TNFAIP8: variants seen among roughly 807,000 people sequenced by gnomAD.
The protein encoded by TNFAIP8 is tumor necrosis factor alpha-induced protein 8.
In TNFAIP8, 7 loss-of-function variants were observed where a neutral mutation model predicts 13.3. The ratio of observed to expected loss-of-function variants is 0.52; its 90% CI spans 0.30 to 0.99. The LOEUF (loss-of-function observed/expected upper bound fraction) is 0.99. Among genes scored for constraint, TNFAIP8 ranks in the 50% least tolerant of loss-of-function variants. The pLI is 0.07. For synonymous variants in TNFAIP8, 94 were observed against 87.6 expected (o/e 1.07, Z -0.41); for missense variants, 258 against 236.9 (o/e 1.09, Z -0.58).
chr5:119,391,258 A>ATAGGCTAG (rs1233797539), intron 1 of TNFAIP8: 55 of 618,510 alleles, frequency 8.9e-5, no homozygotes, highest in African/African-American at 8.8e-4. Context: ...GCCTATCCAA[A>ATAGGCTAG]CTAGAAATAA....
chr5:119,349,863 C>CT (rs1246648996), intron 1 of TNFAIP8, among the ~76,000 whole-genome samples: 2 of 152,210 alleles, frequency 1.3e-5, no homozygotes, highest in Non-Finnish European at 2.9e-5. Flanking sequence ...TATTAGCAAT[C>CT]TTTGAGTTAC....
chr5:119,367,048 G>C (rs980965374), intron 1 of TNFAIP8, among the ~76,000 whole-genome samples: 12 of 152,176 alleles, frequency 7.9e-5, no homozygotes, highest in African/African-American at 2.7e-4. Context: ...TGCTAGGAGA[G>C]GCAGCCTAGC....
intron 1 of TNFAIP8, among the ~76,000 whole-genome samples, chr5:119,371,543 G>A (rs1374475396): frequency 1.3e-5 from 2 of 152,190 alleles, no homozygotes. Context: ...ACTAGTTCAA[G>A]GGGAAACTCT....
upstream of TNFAIP8, among the ~76,000 whole-genome samples, chr5:119,351,200 ATT>A (rs1751127619): frequency 6.6e-6 from 1 of 151,950 alleles, no homozygotes; most frequent in African/African-American, 2.4e-5. Flanking sequence ...CCTTTTAAAA[ATT>A]TTTTTGTAGA....
At chr5:119,338,988 ATT>A (rs771738319) in intron 1 of TNFAIP8, among the ~76,000 whole-genome samples, 51 of 152,006 alleles carry the variant, frequency 3.4e-4, no homozygotes, top group South Asian at 2.1e-4. Flanking sequence ...TTGAGGCTGC[ATT>A]GAGCTATGAT....
chr5:119,300,948 G>T (rs1195059773), intron 1 of TNFAIP8, among the ~76,000 whole-genome samples: 1 of 151,348 alleles, frequency 6.6e-6, no homozygotes, highest in Non-Finnish European at 1.5e-5. Flanking sequence ...CATCTCCGAG[G>T]CACAGTTTTA....
chr5:119,311,898 A>G (rs1749744307), intron 1 of TNFAIP8, among the ~76,000 whole-genome samples: 1 of 152,194 alleles, frequency 6.6e-6, no homozygotes, highest in African/African-American at 2.4e-5. Context: ...GTGGTGCTTA[A>G]CAGCCTAAAT....
intron 1 of TNFAIP8, among the ~76,000 whole-genome samples, chr5:119,368,430 C>CGTGTGTGTGTGT (rs376615641): frequency 2.4e-3 from 317 of 133,074 alleles, no homozygotes; most frequent in Non-Finnish European, 3.5e-3. Flanking sequence ...TTCTAAGCAG[C>CGTGTGTGTGTGT]GTGTGTGTGT....
At position 119,399,088 on chromosome 5, in the gene TNFAIP8, C is replaced by T. The variant is rs552194675; in HGVS notation, c.*5707C>T. ...TCGAATCATATGGACTTAGTGTTCT[C>T]ATGACCGAGGAGTCACATTTTTAGC... On this transcript the variant is annotated 3_prime_UTR_variant, in exon 2 of 2. Transcript: ENST00000504771. The T allele has an allele frequency of 4.6e-5, 7 of 152,346 alleles. No homozygotes were observed. The highest frequency in any genetic ancestry group is 1.7e-4 in the African/African-American group (7 of 41,582). The allele number at this position is 152,346 out of a possible 1,614,324, so 9.4% of individuals were successfully genotyped here.
intron 1 of TNFAIP8, among the ~76,000 whole-genome samples, chr5:119,346,859 C>T (rs1169302174): frequency 6.6e-6 from 1 of 152,198 alleles, no homozygotes; most frequent in Non-Finnish European, 1.5e-5. Context: ...GAACTAAAAT[C>T]ATGTCTTTTT....
In TNFAIP8 at chr5:119,322,008, C is replaced by T. The variant is rs562208809; in HGVS notation, c.1+53101C>T. Among the ~76,000 whole-genome samples, 6 of 152,294 alleles carry T rather than the reference C, an allele frequency of 3.9e-5. No individual in the cohort carries two copies. The South Asian group carries it at 1.0e-3, about 26-fold the overall frequency. On this transcript the variant is annotated intron_variant, in intron 1 of 1. Transcript: ENST00000274456. ...AAACTTCCCAAGCTCTTTCCTCCTA[C>T]TTCAGAGCCTTTGCACACACCCCTC...
At chr5:119,389,755 A>C (rs1752824143) in intron 1 of TNFAIP8, among the ~76,000 whole-genome samples, 1 of 152,230 alleles carries the variant, frequency 6.6e-6, no homozygotes, top group East Asian at 1.9e-4. Flanking sequence ...AGACGACTTC[A>C]CTGGAATAAC....
Position 119,397,616 on chromosome 5 carries a change from T to C in TNFAIP8, c.*4235T>C, listed in dbSNP as rs1753105357. 6.6e-6 allele frequency: 1 copy of C among 152,360 alleles called. No homozygotes were observed. The highest frequency in any genetic ancestry group is 1.5e-5 in the Non-Finnish European group (1 of 68,034). 9.4% of individuals were successfully genotyped at this position (152,360 alleles called of 1,614,324 possible). ...AATTTTATCCTACCTCTGAAATAAT[T>C]GTACTTTCTGTGATTCAGATAAAAA... On this transcript the variant is annotated 3_prime_UTR_variant, in exon 2 of 2. Coordinates refer to ENST00000504771, the MANE Select transcript of TNFAIP8 (RefSeq NM_014350.4).
At chr5:119,333,276 G>T in intron 1 of TNFAIP8, 1 of 1,091,082 alleles carries the variant, frequency 9.2e-7, no homozygotes, top group Non-Finnish European at 1.1e-6. Flanking sequence ...GTCCATCCCT[G>T]TTGTGAATGT....
intron 1 of TNFAIP8, among the ~76,000 whole-genome samples, chr5:119,386,232 A>G (rs866270647): frequency 6.6e-6 from 1 of 152,230 alleles, no homozygotes; most frequent in Non-Finnish European, 1.5e-5. Context: ...TACAAATTGC[A>G]CATATTGAAG....
chr5:119,376,713 A>C (rs1005861246), intron 1 of TNFAIP8, among the ~76,000 whole-genome samples: 12 of 152,310 alleles, frequency 7.9e-5, no homozygotes, highest in African/African-American at 2.9e-4. Flanking sequence ...GTACGGAAAC[A>C]AAAGTATGAT....
intron 1 of TNFAIP8, among the ~76,000 whole-genome samples, chr5:119,276,722 G>T (rs541742080): frequency 6.6e-6 from 1 of 151,972 alleles, no homozygotes; most frequent in Non-Finnish European, 1.5e-5. Context: ...ATTAGATTAG[G>T]GTCCCACCCT....
chr5:119,382,251 C>T (rs1752515171), intron 1 of TNFAIP8, among the ~76,000 whole-genome samples: 1 of 152,186 alleles, frequency 6.6e-6, no homozygotes, highest in Non-Finnish European at 1.5e-5. Flanking sequence ...CTAATGTTTC[C>T]ACTCTTTGCT....
intron 1 of TNFAIP8, among the ~76,000 whole-genome samples, chr5:119,304,237 G>A (rs948108069): frequency 6.6e-6 from 1 of 152,174 alleles, no homozygotes; most frequent in South Asian, 2.1e-4. Context: ...TCCTGCCGCA[G>A]CCTCCTGTGT....
Sources: allele counts gnomAD v4.1 joint callset (sites outside exome capture counted in the v4.1 genomes callset), GRCh38; gene constraint gnomAD v4.1.1; transcripts MANE v1.5; gene names NCBI Gene and HGNC (gene_info 2026-07-23, HGNC 2026-07-21).